Variants in IQCJ observed in about 807,000 individuals in gnomAD.
The protein encoded by IQCJ is IQ motif containing J, also known as IQ domain-containing protein J.
In IQCJ, 9 loss-of-function variants were observed where a neutral mutation model predicts 11.0. The ratio of observed to expected loss-of-function variants is 0.82; its 90% CI spans 0.49 to 1.43. The LOEUF is 1.43. Among genes scored for constraint, IQCJ ranks in the 40% most tolerant of loss-of-function variants. IQCJ has a pLI of 0.00. For synonymous variants in IQCJ, 55 were observed against 51.3 expected (o/e 1.07, Z -0.31); for missense variants, 146 against 133.2 (o/e 1.10, Z -0.47).
intron 2 of IQCJ, 80 bp downstream of exon 2, chr3:159,245,987 G>A: frequency 8.9e-7 from 1 of 1,128,114 alleles, no homozygotes; most frequent in East Asian, 2.7e-5. Flanking sequence ...GTAAAAATAA[G>A]TAAGTAAATT....
intron 1 of IQCJ, among the ~76,000 whole-genome samples, chr3:159,231,760 C>T (rs1461459846): frequency 6.6e-6 from 1 of 152,062 alleles, no homozygotes; most frequent in Non-Finnish European, 1.5e-5. Flanking sequence ...TGTCTGGTCC[C>T]GGGCTTTTAT....
At chr3:159,209,948 C>T (rs1289915001) in intron 1 of IQCJ, among the ~76,000 whole-genome samples, 2 of 152,158 alleles carry the variant, frequency 1.3e-5, no homozygotes, top group Non-Finnish European at 2.9e-5. Flanking sequence ...TAGCACAGGG[C>T]CTAAATACAT....
At chr3:159,087,061 A>G (rs1489669959) in intron 1 of IQCJ, among the ~76,000 whole-genome samples, 1 of 152,210 alleles carries the variant, frequency 6.6e-6, no homozygotes, top group Non-Finnish European at 1.5e-5. Flanking sequence ...GGTTTGTGAT[A>G]GATAGCTCTT....
intron 1 of IQCJ, among the ~76,000 whole-genome samples, chr3:159,115,397 C>A (rs1251485616): frequency 1.3e-5 from 2 of 152,256 alleles, no homozygotes; most frequent in South Asian, 4.1e-4. Flanking sequence ...TGCCCAATTT[C>A]CATGGGTCAA....
At chr3:159,241,566 T>G (rs1726926199) in intron 1 of IQCJ, among the ~76,000 whole-genome samples, 1 of 152,184 alleles carries the variant, frequency 6.6e-6, no homozygotes. Context: ...CCATCCTCTT[T>G]GCTGTATTAT....
At chr3:159,108,325 A>T in intron 1 of IQCJ, among the ~76,000 whole-genome samples, 1 of 151,698 alleles carries the variant, frequency 6.6e-6, no homozygotes, top group East Asian at 1.9e-4. Context: ...CGTTCCTTAT[A>T]AACTGGAATA....
At chr3:159,172,967 A>G (rs1192249658) in intron 1 of IQCJ, among the ~76,000 whole-genome samples, 2 of 152,204 alleles carry the variant, frequency 1.3e-5, no homozygotes, top group South Asian at 2.1e-4. Context: ...AAGACAATAT[A>G]TAACAGATCA....
chr3:159,202,907 A>G (rs960779334), intron 1 of IQCJ, among the ~76,000 whole-genome samples: 4 of 152,078 alleles, frequency 2.6e-5, no homozygotes, highest in Admixed American at 2.0e-4. Flanking sequence ...GGAGGGAGCC[A>G]CCTCAGTCAG....
intron 1 of IQCJ, among the ~76,000 whole-genome samples, chr3:159,139,179 G>A (rs1343697811): frequency 6.6e-6 from 1 of 152,066 alleles, no homozygotes; most frequent in Non-Finnish European, 1.5e-5. Context: ...GTGTTGTAAG[G>A]ATGTTAGATT....
At chr3:159,238,960 A>G (rs754393346) in intron 1 of IQCJ, among the ~76,000 whole-genome samples, 1 of 152,196 alleles carries the variant, frequency 6.6e-6, no homozygotes, top group Non-Finnish European at 1.5e-5. Context: ...GAAAAATGGC[A>G]TTGTCTTCTA....
intron 1 of IQCJ, among the ~76,000 whole-genome samples, chr3:159,081,954 A>G (rs1716343047): frequency 1.3e-5 from 2 of 152,178 alleles, no homozygotes; most frequent in African/African-American, 4.8e-5. Flanking sequence ...CAAAACAAAA[A>G]TTGAAGTGGA....
At chr3:159,217,782 A>G (rs1725314232) in intron 1 of IQCJ, among the ~76,000 whole-genome samples, 1 of 152,020 alleles carries the variant, frequency 6.6e-6, no homozygotes, top group Non-Finnish European at 1.5e-5. Flanking sequence ...TCCCTGCAAT[A>G]TTACCTCCTT....
chr3:159,107,930 C>T (rs182364457), intron 1 of IQCJ, among the ~76,000 whole-genome samples: 24 of 148,704 alleles, frequency 1.6e-4, no homozygotes, highest in East Asian at 2.0e-4. Context: ...CTCACTGCCA[C>T]GCTCTGCTCC....
intron 1 of IQCJ, among the ~76,000 whole-genome samples, chr3:159,198,164 A>C (rs1724102674): frequency 6.6e-6 from 1 of 152,192 alleles, no homozygotes; most frequent in Non-Finnish European, 1.5e-5. Context: ...GAAATTGGGA[A>C]GTTTCCTCAA....
intron 1 of IQCJ, among the ~76,000 whole-genome samples, chr3:159,088,470 T>C (rs1716968780): frequency 6.6e-6 from 1 of 152,192 alleles, no homozygotes; most frequent in South Asian, 2.1e-4. Flanking sequence ...TTCCTGGGTA[T>C]CCTTGTTGAT....
chr3:159,089,074 T>C (rs1027690422), intron 1 of IQCJ, among the ~76,000 whole-genome samples: 11 of 152,312 alleles, frequency 7.2e-5, no homozygotes, highest in South Asian at 2.1e-4. Context: ...TTCCTTTACA[T>C]GTTTAGTGCT....
At chr3:159,167,381 T>G (rs1183176391) in intron 1 of IQCJ, among the ~76,000 whole-genome samples, 1 of 152,196 alleles carries the variant, frequency 6.6e-6, no homozygotes, top group African/African-American at 2.4e-5. Flanking sequence ...ACTTTCTACT[T>G]TCAGTTTAGG....
Position 159,124,290 on chromosome 3 carries a change from C to T in IQCJ, c.9+54849C>T, listed in dbSNP as rs528552432. 1.5e-4 allele frequency among the ~76,000 whole-genome samples: 23 copies of T among 152,300 alleles called. 1 individual carries two copies. The highest frequency in any genetic ancestry group is 3.9e-4 in the African/African-American group (16 of 41,552). On this transcript the variant is annotated intron_variant, in intron 1 of 3. Coordinates refer to ENST00000397832, the MANE Select transcript of IQCJ (RefSeq NM_001042706.3). ...CCACATCTACTCTGACCTCATCCGA[C>T]GCAGATCCACTTTGTGGCCACAGTA...
At chr3:159,212,922 C>T (rs561988559) in intron 1 of IQCJ, among the ~76,000 whole-genome samples, 5 of 152,316 alleles carry the variant, frequency 3.3e-5, no homozygotes, top group Middle Eastern at 3.4e-3. Flanking sequence ...CCATAAACAT[C>T]CTTCTGTAGT....
Sources: gnomAD v4.1 joint callset for allele counts (sites outside exome capture counted in the v4.1 genomes callset) on GRCh38, gnomAD v4.1.1 for gene constraint, MANE v1.5 for transcripts, NCBI Gene and HGNC (gene_info 2026-07-23, HGNC 2026-07-21) for gene names.